SWT1: variants seen among roughly 807,000 people sequenced by gnomAD.
The protein encoded by SWT1 is transcriptional protein SWT1.
A neutral mutation model predicts 107.3 loss-of-function variants in SWT1; 33 were observed. The observed-to-expected ratio is 0.31, with a 90% CI of 0.23 to 0.41. The LOEUF is 0.41. SWT1 is among the 10% of genes least tolerant of loss of function. The probability of loss-of-function intolerance (pLI) is 1.00; values close to 1 mark genes in which losing one functional copy is unlikely to be tolerated. For synonymous variants in SWT1, 345 were observed against 348.3 expected (o/e 0.99, Z 0.11); for missense variants, 898 against 1,028.9 (o/e 0.87, Z 1.74).
intron 4 of SWT1, 109 bp from the exon 5 acceptor site, chr1:185,174,262 AC>A: frequency 1.3e-6 from 1 of 789,396 alleles, no homozygotes; most frequent in Non-Finnish European, 1.8e-6. Context: ...AGCTATTTCT[AC>A]TTTTTATGAA....
At chr1:185,284,420 C>T (rs774252311) in intron 18 of SWT1, among the ~76,000 whole-genome samples, 7 of 152,188 alleles carry the variant, frequency 4.6e-5, no homozygotes, top group African/African-American at 7.2e-5. Flanking sequence ...AACTCAATGG[C>T]GGAAGCTGCT....
intron 4 of SWT1, among the ~76,000 whole-genome samples, chr1:185,172,178 AT>A: frequency 6.6e-6 from 1 of 152,248 alleles, no homozygotes; most frequent in East Asian, 1.9e-4. Flanking sequence ...TGTGTTTGAC[AT>A]TTTTCCCCTT....
chr1:185,271,053 T>G (rs1296080121), intron 16 of SWT1, among the ~76,000 whole-genome samples: 1 of 152,238 alleles, frequency 6.6e-6, no homozygotes, highest in Non-Finnish European at 1.5e-5. Context: ...GAACTATAAC[T>G]TCACGTGTAA....
chr1:185,187,053 C>CTT lies in SWT1; in HGVS notation c.1429+2140_1429+2141dup, dbSNP rs34634110. On this transcript the variant is annotated intron_variant, in intron 9 of 18. Transcript: ENST00000367500. ...TACAGGCGTGAGCCACCGCGCCCAG[C>CTT]TTTTTTTTTTTTTTTTTTTAAAAGA... Among the ~76,000 whole-genome samples, 1,091 of 118,726 alleles carry CTT rather than the reference C, an allele frequency of 9.2e-3. 8 individuals are homozygous for CTT. The highest frequency in any genetic ancestry group is 0.016 in the African/African-American group (500 of 30,504). The allele number at this position is 118,726 out of a possible 152,430, so 77.9% of individuals were successfully genotyped here.
chr1:185,183,562 C>T (rs1039229078), intron 7 of SWT1, among the ~76,000 whole-genome samples: 1 of 152,134 alleles, frequency 6.6e-6, no homozygotes, highest in Admixed American at 6.5e-5. Flanking sequence ...GGATTACAGG[C>T]GTGAGCCACC....
Position 185,174,555 on chromosome 1 carries a change from A to C in SWT1, c.408A>C (p.Lys136Asn). 1 of 1,607,436 alleles carries C rather than the reference A, an allele frequency of 6.2e-7. No homozygotes were observed. The highest frequency in any genetic ancestry group is 8.5e-7 in the Non-Finnish European group (1 of 1,178,260). ...TAGACTTTAAACCTAAAGATATCAA[A>C]TTGACAAATGCTGGGAGCAAGCTTG... ...KCVDFKPKDI[K>N]LTNAGSKLDH... is the part of the protein sequence containing the mutation. The change falls in exon 5 of 19, where the codon AAA becomes AAC. Residue 136 changes from lysine to asparagine, a missense_variant. Lys to Asn is a moderately conservative substitution (Grantham distance 94, BLOSUM62 0). Coordinates refer to ENST00000367500, the MANE Select transcript of SWT1 (RefSeq NM_017673.7).
chr1:185,180,469 T>A lies in SWT1; in HGVS notation c.1026+19T>A, dbSNP rs751630544. On this transcript the variant is annotated intron_variant, in intron 6 of 18. Coordinates refer to ENST00000367500, the MANE Select transcript of SWT1 (RefSeq NM_017673.7). The stretch of plus-strand genomic sequence containing the variant: ...TCAAGAGGTTATTGATATTCTTGTT[T>A]ACTTTGATATTTTTAATGAAATTAA... 1 of 1,576,854 alleles carries A rather than the reference T, an allele frequency of 6.3e-7. No individual in the cohort carries two copies.
chr1:185,289,801 T>C (rs187124837), intron 18 of SWT1, among the ~76,000 whole-genome samples: 25 of 152,038 alleles, frequency 1.6e-4, no homozygotes, highest in Admixed American at 1.4e-3. Flanking sequence ...TAAAAAAGTA[T>C]GAGTAGAAAA....
At chr1:185,221,827 T>C (rs1659678942) in intron 14 of SWT1, 22 bp from the exon 15 acceptor site, 1 of 1,496,590 alleles carries the variant, frequency 6.7e-7, no homozygotes, top group Non-Finnish European at 8.9e-7. Flanking sequence ...AGCTGCATTT[T>C]ATGTAATTCT....
chr1:185,175,289 C>T (rs546775286), intron 5 of SWT1, among the ~76,000 whole-genome samples, 176 bp downstream of exon 5: 16 of 151,334 alleles, frequency 1.1e-4, no homozygotes, highest in East Asian at 7.8e-4. Flanking sequence ...TGCAGTGGCA[C>T]GATCCTGGCT....
chr1:185,288,912 G>A (rs1200100877), intron 18 of SWT1, among the ~76,000 whole-genome samples: 1 of 152,104 alleles, frequency 6.6e-6, no homozygotes, highest in Non-Finnish European at 1.5e-5. Flanking sequence ...AAATTGTGAA[G>A]TAGATATGGC....
intron 10 of SWT1, among the ~76,000 whole-genome samples, chr1:185,196,865 T>A (rs1408752332): frequency 6.7e-6 from 1 of 150,356 alleles, no homozygotes. Context: ...AATATTTATA[T>A]ATTTAGAAAA....
At chr1:185,201,327 G>A (rs914769688) in intron 10 of SWT1, among the ~76,000 whole-genome samples, 14 of 152,176 alleles carry the variant, frequency 9.2e-5, no homozygotes, top group African/African-American at 3.1e-4. Context: ...CTAGCTCAGT[G>A]TCTGCCTAAA....
chr1:185,226,342 A>G (rs1003273958), intron 15 of SWT1, among the ~76,000 whole-genome samples: 1 of 152,180 alleles, frequency 6.6e-6, no homozygotes, highest in Non-Finnish European at 1.5e-5. Context: ...TACCAGACAC[A>G]TTATAGAAGT....
chr1:185,233,592 T>G (rs1000565720), intron 16 of SWT1, among the ~76,000 whole-genome samples: 2 of 152,200 alleles, frequency 1.3e-5, no homozygotes, highest in Non-Finnish European at 2.9e-5. Flanking sequence ...GGTTGTTCAC[T>G]TTCCATGTAG....
intron 14 of SWT1, among the ~76,000 whole-genome samples, chr1:185,216,712 G>A (rs1659243372): frequency 6.6e-6 from 1 of 152,100 alleles, no homozygotes; most frequent in African/African-American, 2.4e-5. Flanking sequence ...AGCACTTTGG[G>A]AGGCTGAGTT....
chr1:185,180,397 G>C lies in SWT1; in HGVS notation c.973G>C (p.Glu325Gln). ...GAAATTACTTTCATTTCAGAGTTTT[G>C]AAGCACCATGTTGTTCCGTGTCATC... ...HSRENLTQSF[E>Q]APCCSVSSES... The change falls in exon 6 of 19, where the codon GAA becomes CAA. Residue 325 changes from glutamate to glutamine, a missense_variant. Glu to Gln is a conservative substitution (Grantham distance 29). Transcript: ENST00000367500. The C allele has an allele frequency of 6.2e-7, 1 of 1,612,916 alleles. No homozygotes were observed.
chr1:185,215,620 C>A (rs967751935), intron 14 of SWT1, among the ~76,000 whole-genome samples: 1 of 152,138 alleles, frequency 6.6e-6, no homozygotes, highest in Non-Finnish European at 1.5e-5. Context: ...CTCACTGCAA[C>A]CTCCACCTAC....
At chr1:185,249,576 G>A (rs1035534338) in intron 16 of SWT1, among the ~76,000 whole-genome samples, 4 of 152,110 alleles carry the variant, frequency 2.6e-5, no homozygotes, top group African/African-American at 9.7e-5. Flanking sequence ...CTTCAGCAGA[G>A]CTCCTTGAGT....
Sources: allele counts gnomAD v4.1 joint callset (sites outside exome capture counted in the v4.1 genomes callset), GRCh38; gene constraint gnomAD v4.1.1; transcripts MANE v1.5; gene names NCBI Gene and HGNC (gene_info 2026-07-23, HGNC 2026-07-21).